Variants in ADGRA3 observed in about 807,000 individuals in gnomAD.
The protein encoded by ADGRA3 is G-protein coupled receptor 125.
A neutral mutation model predicts 119.8 loss-of-function variants in ADGRA3; 56 were observed. The observed-to-expected ratio is 0.47, with a 90% CI of 0.38 to 0.58. ADGRA3 has a LOEUF of 0.58. Ranked by LOEUF, ADGRA3 falls within the 20% of genes least tolerant of loss-of-function variation. ADGRA3 has a pLI of 0.00. For synonymous variants in ADGRA3, 607 were observed against 623.8 expected (o/e 0.97, Z 0.40); for missense variants, 1,516 against 1,649.0 (o/e 0.92, Z 1.40).
intron 3 of ADGRA3, among the ~76,000 whole-genome samples, chr4:22,456,327 G>A (rs973774802): frequency 6.6e-6 from 1 of 152,132 alleles, no homozygotes; most frequent in African/African-American, 2.4e-5. Context: ...AGATTGGTGC[G>A]GGAGTCAGTG....
chr4:22,446,494 G>T (rs975367743), intron 5 of ADGRA3, among the ~76,000 whole-genome samples: 3 of 152,116 alleles, frequency 2.0e-5, no homozygotes, highest in African/African-American at 7.2e-5. Flanking sequence ...AATGGTAAGG[G>T]TGCCAAAAAG....
chr4:22,388,803 C>T lies in ADGRA3; in HGVS notation c.2868G>A (p.Thr956=), dbSNP rs746486023. ...PERKYELKEP[T]EEQQRLAANE... ...TGGCTGCCAATCTCTGTTGCTCCTC[C>T]GTGGGCTCCTTAAGCTCATATTTGC... The change falls in exon 19 of 19, where the codon ACG becomes ACA. Residue 956 remains threonine (T), a synonymous_variant. Coordinates refer to ENST00000334304, the MANE Select transcript of ADGRA3 (RefSeq NM_145290.4). The T allele has an allele frequency of 5.0e-6, 8 of 1,613,946 alleles. No homozygotes were observed. Among genetic ancestry groups the T allele is most frequent in the East Asian group, 2.2e-5 (1 of 44,880 alleles).
At chr4:22,511,545 G>A (rs1225853190) in intron 1 of ADGRA3, among the ~76,000 whole-genome samples, 2 of 151,858 alleles carry the variant, frequency 1.3e-5, no homozygotes, top group African/African-American at 2.4e-5. Context: ...TATTTTTCAT[G>A]ATTTAAAAAA....
At chr4:22,392,864 G>T in intron 16 of ADGRA3, 174 bp from the exon 17 acceptor site, 1 of 549,824 alleles carries the variant, frequency 1.8e-6, no homozygotes, top group Non-Finnish European at 3.1e-6. Context: ...ATGTGACAGG[G>T]AATCACAATC....
chr4:22,402,911 T>G, intron 14 of ADGRA3, 112 bp from the exon 15 acceptor site: 1 of 984,858 alleles, frequency 1.0e-6, no homozygotes, highest in Non-Finnish European at 1.5e-6. Context: ...GGCCCTTATG[T>G]CTCTTTATTT....
At chr4:22,457,496 A>G (rs534339877) in intron 3 of ADGRA3, among the ~76,000 whole-genome samples, 8 of 152,344 alleles carry the variant, frequency 5.3e-5, no homozygotes, top group Admixed American at 2.6e-4. Context: ...TAAGTTAATT[A>G]TAAGTCATCT....
intron 1 of ADGRA3, among the ~76,000 whole-genome samples, chr4:22,477,260 T>C (rs1224660794): frequency 6.6e-6 from 1 of 152,198 alleles, no homozygotes; most frequent in Non-Finnish European, 1.5e-5. Context: ...AATGGTGCTG[T>C]ATTCAGAGTC....
At chr4:22,506,403 CTT>C (rs1283579672) in intron 1 of ADGRA3, among the ~76,000 whole-genome samples, 2 of 151,972 alleles carry the variant, frequency 1.3e-5, no homozygotes, top group Non-Finnish European at 2.9e-5. Context: ...AAATACAAAA[CTT>C]AGCCAGGCAT....
chr4:22,466,864 G>A (rs1717677509), intron 2 of ADGRA3, among the ~76,000 whole-genome samples: 1 of 152,174 alleles, frequency 6.6e-6, no homozygotes, highest in Non-Finnish European at 1.5e-5. Flanking sequence ...CAGCGAGGGG[G>A]TGACACACAA....
rs1179577899 is a variant in ADGRA3 at position 22,464,250 on chromosome 4, A to G, written c.330-2442T>C. ...TGAAAACTTCATATTCCACAAGAAG[A>G]AAACAGCTTTGTCAATGCTGGTAAC... On this transcript the variant is annotated intron_variant, in intron 2 of 18. Coordinates refer to ENST00000334304, the MANE Select transcript of ADGRA3 (RefSeq NM_145290.4). Among the ~76,000 whole-genome samples, 3 of 152,238 alleles carry G rather than the reference A, an allele frequency of 2.0e-5. No individual in the cohort carries two copies. The South Asian group carries it at 6.2e-4, about 32-fold the overall frequency.
chr4:22,511,863 C>A (rs949250967), intron 1 of ADGRA3, among the ~76,000 whole-genome samples: 2 of 148,786 alleles, frequency 1.3e-5, no homozygotes, highest in Non-Finnish European at 3.0e-5. Flanking sequence ...GTTCCCTCAC[C>A]GTTTTCTTCA....
chr4:22,447,609 G>A (rs1267867680), intron 4 of ADGRA3, 98 bp from the exon 5 acceptor site: 11 of 684,748 alleles, frequency 1.6e-5, no homozygotes, highest in Middle Eastern at 3.0e-4. Context: ...ATTAAATAAT[G>A]TTGTAAAGAA....
intron 1 of ADGRA3, among the ~76,000 whole-genome samples, chr4:22,475,344 G>A (rs1202669106): frequency 1.3e-5 from 2 of 152,122 alleles, no homozygotes; most frequent in Non-Finnish European, 2.9e-5. Context: ...TCATTTCAAT[G>A]TTTTCTGACG....
rs1407171628 is a variant in ADGRA3 at position 22,511,462 on chromosome 4, C to T, written c.257+4066G>A. 2.0e-5 allele frequency among the ~76,000 whole-genome samples: 3 copies of T among 152,232 alleles called. No individual in the cohort carries two copies. The East Asian group carries it at 5.8e-4, about 29-fold the overall frequency. On this transcript the variant is annotated intron_variant, in intron 1 of 18. Coordinates refer to ENST00000334304, the MANE Select transcript of ADGRA3 (RefSeq NM_145290.4). ...CATAGCTACAGAAACAAGTGGTGTT[C>T]ATCAATACTGTTGAAGGATCTGACT... is the stretch of plus-strand genomic sequence containing the variant.
chr4:22,435,345 A>C lies in ADGRA3; in HGVS notation c.1409T>G (p.Phe470Cys), dbSNP rs1473472971. The change falls in exon 10 of 19, where the codon TTT becomes TGT. Residue 470 changes from phenylalanine (F) to cysteine (C), a missense_variant. Physicochemically the swap from Phe to Cys is radical, Grantham distance 205. This residue lies in a region of ADGRA3 where 1,088 missense variants were observed against 1,107.1 expected (regional missense o/e 0.98). Transcript: ENST00000334304. ...VIFVAEMIEK[F>C]GRFTKEEKSK... is the part of the protein sequence containing the mutation. ...TTTTTCCTCCTTGGTAAATCTTCCA[A>C]ATTTTTCAATCATTTCTGCCACAAA... 6.2e-7 allele frequency: 1 copy of C among 1,613,418 alleles called. No homozygotes were observed. Among genetic ancestry groups the C allele is most frequent in the Non-Finnish European group, 8.5e-7 (1 of 1,179,488 alleles).
intron 1 of ADGRA3, among the ~76,000 whole-genome samples, chr4:22,495,379 C>G (rs1255507825): frequency 6.6e-6 from 1 of 152,006 alleles, no homozygotes; most frequent in East Asian, 1.9e-4. Flanking sequence ...CCTGGGCAAT[C>G]TGGTGAAACC....
chr4:22,506,964 GCA>G (rs1719259628), intron 1 of ADGRA3, among the ~76,000 whole-genome samples: 1 of 152,068 alleles, frequency 6.6e-6, no homozygotes, highest in South Asian at 2.1e-4. Flanking sequence ...TCGGCCAGGT[GCA>G]GTGGCTCACA....
At chr4:22,479,913 C>G (rs1718203603) in intron 1 of ADGRA3, among the ~76,000 whole-genome samples, 1 of 152,130 alleles carries the variant, frequency 6.6e-6, no homozygotes, top group African/African-American at 2.4e-5. Flanking sequence ...CCAAATACCT[C>G]ACGTTCTCAC....
chr4:22,430,686 A>T (rs1716128012), intron 10 of ADGRA3, among the ~76,000 whole-genome samples: 1 of 152,116 alleles, frequency 6.6e-6, no homozygotes, highest in Admixed American at 6.5e-5. Context: ...TTCTGTGGAG[A>T]AATTCCAGCG....
Sources: gnomAD v4.1 joint callset for allele counts (sites outside exome capture counted in the v4.1 genomes callset) on GRCh38, gnomAD v4.1.1 for gene constraint, gnomAD v4.1.1 regional missense constraint, MANE v1.5 for transcripts, NCBI Gene and HGNC (gene_info 2026-07-23, HGNC 2026-07-21) for gene names.